Variants in TENM3 observed in about 807,000 individuals in gnomAD.
The protein encoded by TENM3 is teneurin transmembrane protein 3, also known as teneurin-3.
Under a neutral mutation model 255.1 loss-of-function variants are expected in TENM3, and 63 were observed. The observed-to-expected ratio is 0.25, with a 90% CI of 0.20 to 0.30. The LOEUF is 0.30. TENM3 is among the 10% of genes least tolerant of loss of function. TENM3 has a pLI of 1.00. For missense variants in TENM3, 2,929 were observed against 3,461.1 expected, an observed-to-expected ratio of 0.85 and a Z score of 3.86; for synonymous variants, 1,306 against 1,322.3, an observed-to-expected ratio of 0.99 and a Z score of 0.27.
At chr4:182,633,185 G>T (rs1751542989) in intron 5 of TENM3, among the ~76,000 whole-genome samples, 1 of 152,130 alleles carries the variant, frequency 6.6e-6, no homozygotes, top group Admixed American at 6.6e-5. Context: ...TCTTGCCTCA[G>T]CCTCCCAAAG....
At chr4:181,518,996 A>G in the TENM3 span, among the ~76,000 whole-genome samples, 1 of 152,228 alleles carries the variant, frequency 6.6e-6, no homozygotes, top group African/African-American at 2.4e-5. Context: ...GATTAATAAA[A>G]GAGTTCGTTT....
intron 17 of TENM3, among the ~76,000 whole-genome samples, chr4:182,738,162 G>C (rs558220178): frequency 3.9e-5 from 6 of 152,044 alleles, no homozygotes; most frequent in African/African-American, 1.4e-4. Context: ...TGAAGGGGTG[G>C]TATGGGGAAA....
chr4:182,363,433 A>G (rs2150799562), intron 3 of TENM3, among the ~76,000 whole-genome samples: 1 of 151,996 alleles, frequency 6.6e-6, no homozygotes, highest in African/African-American at 2.4e-5. Context: ...ATACATATAT[A>G]TGCATGTTTA....
the TENM3 span, among the ~76,000 whole-genome samples, chr4:181,878,206 A>G: frequency 6.6e-6 from 1 of 152,138 alleles, no homozygotes; most frequent in Admixed American, 6.5e-5. Flanking sequence ...TGTGTGTTTA[A>G]CTTATATACA....
the TENM3 span, among the ~76,000 whole-genome samples, chr4:181,546,172 T>C: frequency 3.9e-5 from 6 of 152,166 alleles, no homozygotes; most frequent in Admixed American, 3.9e-4. Flanking sequence ...CTCTAGAGGC[T>C]TGTCAACTCA....
Position 182,166,030 on chromosome 4 carries a change from G to A in TENM3, c.-76+21276G>A, listed in dbSNP as rs562786694. ...CCTGACCTCATGATCTGCCCGCCTCGGCCTCCCAAAGTGCTGGGATTACAG... is the reference window on the plus strand; with the variant it reads ...CCTGACCTCATGATCTGCCCGCCTCAGCCTCCCAAAGTGCTGGGATTACAG... On this transcript the variant is annotated intron_variant, in intron 1 of 2. Transcript: ENST00000512480. Among the ~76,000 whole-genome samples, 9 of 152,086 alleles carry A rather than the reference G, an allele frequency of 5.9e-5. No individual in the cohort carries two copies. In the East Asian group the frequency reaches 9.7e-4, roughly 16 times the overall value.
At chr4:182,077,532 A>T in the TENM3 span, among the ~76,000 whole-genome samples, 1 of 152,308 alleles carries the variant, frequency 6.6e-6, no homozygotes, top group South Asian at 2.1e-4. Context: ...TTTAAACAAC[A>T]TTGCACAAAG....
chr4:182,688,323 G>C lies in TENM3; in HGVS notation c.2193G>C (p.Gln731His). ...AGGATGGCAAGTGTGAATGCAGCCA[G>C]GGCTGGAATGGAGAGCACTGCACTA... ...TCKDGKCECS[Q>H]GWNGEHCTIE... Residue 731 changes from glutamine to histidine, a missense_variant, in exon 12 of 28, where the codon CAG becomes CAC. Physicochemically the swap from Gln to His is conservative, Grantham distance 24. Transcript: ENST00000511685. 2 of 1,613,556 alleles carry C rather than the reference G, an allele frequency of 1.2e-6. No individual in the cohort carries two copies. Among genetic ancestry groups the C allele is most frequent in the Non-Finnish European group, 1.7e-6 (2 of 1,179,652 alleles).
At chr4:181,897,621 C>T in the TENM3 span, among the ~76,000 whole-genome samples, 2 of 152,134 alleles carry the variant, frequency 1.3e-5, no homozygotes, top group African/African-American at 2.4e-5. Flanking sequence ...ATACAAAAAG[C>T]TTATCATCTA....
At chr4:182,728,594 C>T (rs370836233) in intron 13 of TENM3, among the ~76,000 whole-genome samples, 2 of 152,262 alleles carry the variant, frequency 1.3e-5, no homozygotes, top group East Asian at 1.9e-4. Context: ...CATGTACTTA[C>T]GCAAATCTAG....
At chr4:181,757,608 C>T in the TENM3 span, among the ~76,000 whole-genome samples, 2 of 152,176 alleles carry the variant, frequency 1.3e-5, no homozygotes, top group African/African-American at 2.4e-5. Flanking sequence ...CTTTAACAAG[C>T]TGGTGTACGC....
chr4:182,304,287 A>G lies in TENM3; in HGVS notation c.-75-19659A>G, dbSNP rs371309813. On this transcript the variant is annotated intron_variant, in intron 1 of 27. Coordinates refer to ENST00000511685, the MANE Select transcript of TENM3 (RefSeq NM_001080477.4). ...GAGTGCAGTGGTACGATCTTGGCTTACTGCAACCTCTGCCTCCCGGGTTCA... is the reference window on the plus strand; with the variant it reads ...GAGTGCAGTGGTACGATCTTGGCTTGCTGCAACCTCTGCCTCCCGGGTTCA... Among the ~76,000 whole-genome samples, 50 of 151,874 alleles carry G rather than the reference A, an allele frequency of 3.3e-4. No homozygotes were observed. The East Asian group carries it at 9.3e-3, about 28-fold the overall frequency.
At chr4:181,704,120 T>C in the TENM3 span, among the ~76,000 whole-genome samples, 1 of 152,290 alleles carries the variant, frequency 6.6e-6, no homozygotes, top group African/African-American at 2.4e-5. Context: ...AACTCCATGC[T>C]TCCATCTGGA....
At chr4:182,317,060 G>A (rs1373352381) in intron 1 of TENM3, among the ~76,000 whole-genome samples, 1 of 152,106 alleles carries the variant, frequency 6.6e-6, no homozygotes, top group Non-Finnish European at 1.5e-5. Flanking sequence ...TAGCTATCAG[G>A]GTAATCCAGT....
chr4:181,863,847 A>C, the TENM3 span, among the ~76,000 whole-genome samples: 3 of 152,164 alleles, frequency 2.0e-5, no homozygotes, highest in African/African-American at 7.2e-5. Context: ...GGGATAAACA[A>C]AATAACAATC....
chr4:182,353,743 G>A (rs1285678171), intron 3 of TENM3, among the ~76,000 whole-genome samples: 1 of 152,096 alleles, frequency 6.6e-6, no homozygotes, highest in Non-Finnish European at 1.5e-5. Context: ...CAAGGCGGGT[G>A]GATCACAATG....
chr4:182,342,252 A>T (rs1412751955), intron 2 of TENM3, among the ~76,000 whole-genome samples: 1 of 152,246 alleles, frequency 6.6e-6, no homozygotes, highest in Non-Finnish European at 1.5e-5. Flanking sequence ...CCATTAACTG[A>T]TGAATGGATA....
chr4:182,524,413 GT>G (rs1443395086), intron 3 of TENM3, among the ~76,000 whole-genome samples: 9 of 133,452 alleles, frequency 6.7e-5, no homozygotes, highest in Non-Finnish European at 1.2e-4. Context: ...CCAGGCCAGA[GT>G]GCAGTGGCAT....
chr4:181,903,696 C>T, the TENM3 span, among the ~76,000 whole-genome samples: 3 of 152,290 alleles, frequency 2.0e-5, no homozygotes, highest in Admixed American at 6.5e-5. Flanking sequence ...TCTAAAAATA[C>T]ATCACCTTGG....
Sources: allele counts gnomAD v4.1 joint callset (sites outside exome capture counted in the v4.1 genomes callset), GRCh38; gene constraint gnomAD v4.1.1; transcripts MANE v1.5; gene names NCBI Gene and HGNC (gene_info 2026-07-23, HGNC 2026-07-21).